CBFA2T2: variants seen among roughly 807,000 people sequenced by gnomAD.
CBFA2T2 encodes the protein protein CBFA2T2.
A neutral mutation model predicts 62.2 loss-of-function variants in CBFA2T2; 11 were observed. The ratio of observed to expected loss-of-function variants is 0.18; its 90% CI spans 0.11 to 0.29. CBFA2T2 has a LOEUF of 0.29. Among genes scored for constraint, CBFA2T2 ranks in the 10% least tolerant of loss-of-function variants. The pLI is 1.00. For missense variants in CBFA2T2, 592 were observed against 774.1 expected (o/e 0.76, Z 2.79); for synonymous variants, 295 against 287.5 (o/e 1.03, Z -0.27).
At chr20:33,636,518 A>T in intron 8 of CBFA2T2, 122 bp from the exon 9 acceptor site, 1 of 692,898 alleles carries the variant, frequency 1.4e-6, no homozygotes, top group Non-Finnish European at 2.4e-6. Context: ...TTATATGAGA[A>T]TTTTTTTATA....
At chr20:33,604,466 G>T (rs555071776) in intron 1 of CBFA2T2, among the ~76,000 whole-genome samples, 56 of 152,172 alleles carry the variant, frequency 3.7e-4, no homozygotes, top group Admixed American at 9.2e-4. Flanking sequence ...CTTCATACCT[G>T]TGCTTTTTCT....
At chr20:33,520,102 G>A (rs1307188799) in intron 1 of CBFA2T2, among the ~76,000 whole-genome samples, 1 of 152,066 alleles carries the variant, frequency 6.6e-6, no homozygotes, top group East Asian at 1.9e-4. Context: ...CCGAGATCAC[G>A]CCATTGCACT....
chr20:33,511,925 C>T (rs762458710), intron 1 of CBFA2T2, among the ~76,000 whole-genome samples: 4 of 152,120 alleles, frequency 2.6e-5, no homozygotes, highest in African/African-American at 9.7e-5. Flanking sequence ...CGCCTGTAAT[C>T]CCAGCACTTT....
At chr20:33,630,017 A>G (rs2016391926) in intron 8 of CBFA2T2, 103 bp downstream of exon 8, 2 of 1,021,514 alleles carry the variant, frequency 2.0e-6, no homozygotes, top group South Asian at 3.7e-5. Context: ...GAAAGGTGGT[A>G]CTCAATTGTG....
At chr20:33,577,752 A>T (rs1276203511) in intron 1 of CBFA2T2, among the ~76,000 whole-genome samples, 1 of 152,194 alleles carries the variant, frequency 6.6e-6, no homozygotes, top group Non-Finnish European at 1.5e-5. Context: ...TAGCCATATG[A>T]CTTGGGACAT....
chr20:33,595,545 AT>A (rs1027742609), intron 1 of CBFA2T2, among the ~76,000 whole-genome samples: 23 of 140,660 alleles, frequency 1.6e-4, no homozygotes, highest in East Asian at 1.3e-3. Context: ...TTTAATTTTC[AT>A]TTTTTTTTTA....
chr20:33,644,113 T>C (rs1211823241), intron 10 of CBFA2T2, among the ~76,000 whole-genome samples: 1 of 152,006 alleles, frequency 6.6e-6, no homozygotes, highest in Non-Finnish European at 1.5e-5. Flanking sequence ...CATTTCACTG[T>C]TCCTGTCATC....
chr20:33,638,531 C>T (rs1046987222), intron 9 of CBFA2T2, among the ~76,000 whole-genome samples: 2 of 152,102 alleles, frequency 1.3e-5, no homozygotes, highest in Non-Finnish European at 2.9e-5. Context: ...TAAGAGGCAT[C>T]TGATAAGAGA....
chr20:33,621,950 A>C (rs2016008802), intron 4 of CBFA2T2, among the ~76,000 whole-genome samples: 1 of 152,228 alleles, frequency 6.6e-6, no homozygotes. Context: ...CTGGTAGACA[A>C]TTATTTCCCC....
intron 1 of CBFA2T2, among the ~76,000 whole-genome samples, chr20:33,500,370 AATCTTTCTTCAACTT>A (rs2011258523): frequency 1.3e-5 from 2 of 151,818 alleles, no homozygotes; most frequent in Non-Finnish European, 2.9e-5. Flanking sequence ...GATTTCCCAT[AATCTTTCTTCAACTT>A]TCTTTCCCTA....
chr20:33,532,918 G>C (rs1158139175), intron 1 of CBFA2T2, among the ~76,000 whole-genome samples: 1 of 152,072 alleles, frequency 6.6e-6, no homozygotes, highest in Non-Finnish European at 1.5e-5. Flanking sequence ...CTGTGTTTTG[G>C]AACCGTGTTT....
intron 1 of CBFA2T2, among the ~76,000 whole-genome samples, chr20:33,570,413 G>A (rs775664332): frequency 4.1e-4 from 62 of 152,246 alleles, no homozygotes; most frequent in Non-Finnish European, 7.9e-4. Flanking sequence ...GTTAGGAGTT[G>A]TAGTATTTGA....
chr20:33,629,397 G>T (rs1329574504), intron 7 of CBFA2T2, among the ~76,000 whole-genome samples: 1 of 152,214 alleles, frequency 6.6e-6, no homozygotes. Flanking sequence ...AATTTACAGT[G>T]CTGCAGACCC....
At chr20:33,621,329 C>T (rs1207147655) in intron 4 of CBFA2T2, among the ~76,000 whole-genome samples, 4 of 86,514 alleles carry the variant, frequency 4.6e-5, no homozygotes, top group Admixed American at 1.5e-4. Flanking sequence ...GACAAAATCT[C>T]GCCCTGTTGC....
At chr20:33,557,428 A>AG in intron 1 of CBFA2T2, among the ~76,000 whole-genome samples, 1 of 152,274 alleles carries the variant, frequency 6.6e-6, no homozygotes, top group Middle Eastern at 3.4e-3. Flanking sequence ...CATTTATAGA[A>AG]GGGGTCATTG....
intron 1 of CBFA2T2, among the ~76,000 whole-genome samples, chr20:33,525,461 C>T (rs562245050): frequency 1.1e-4 from 17 of 152,178 alleles, no homozygotes; most frequent in Non-Finnish European, 2.4e-4. Flanking sequence ...GCTGGGATTA[C>T]AGGTGTGAGT....
intron 1 of CBFA2T2, among the ~76,000 whole-genome samples, chr20:33,537,262 A>T (rs911703299): frequency 6.6e-6 from 1 of 152,274 alleles, no homozygotes; most frequent in South Asian, 2.1e-4. Context: ...AGGCTGGCGG[A>T]TCACTCGCGG....
intron 1 of CBFA2T2, among the ~76,000 whole-genome samples, chr20:33,582,970 C>T (rs2014189478): frequency 6.6e-6 from 1 of 151,832 alleles, no homozygotes; most frequent in Non-Finnish European, 1.5e-5. Context: ...ACAGCACTAC[C>T]TTTTATTAAA....
chr20:33,634,003 C>G (rs560757636), intron 8 of CBFA2T2, among the ~76,000 whole-genome samples: 2 of 152,090 alleles, frequency 1.3e-5, no homozygotes, highest in Non-Finnish European at 2.9e-5. Context: ...GAGTCTCGCT[C>G]TGTCACCTAG....
Sources: gnomAD v4.1 joint callset for allele counts (sites outside exome capture counted in the v4.1 genomes callset) on GRCh38, gnomAD v4.1.1 for gene constraint, MANE v1.5 for transcripts, NCBI Gene and HGNC (gene_info 2026-07-23, HGNC 2026-07-21) for gene names.